Variants in PROM1 observed in about 807,000 individuals in gnomAD.
PROM1 encodes the protein prominin 1.
PROM1 carries 105 observed loss-of-function variants against 116.9 expected under a neutral mutation model. That is an observed-to-expected ratio of 0.90 (90% CI 0.77 to 1.06). The LOEUF (loss-of-function observed/expected upper bound fraction) is 1.06, where lower values mean the gene tolerates loss of function less well. Among genes scored for constraint, PROM1 ranks in the 50% least tolerant of loss-of-function variants. PROM1 has a pLI of 0.00. For synonymous variants in PROM1, 393 were observed against 387.0 expected, an observed-to-expected ratio of 1.02 and a Z score of -0.18; for missense variants, 1,122 against 1,045.2, an observed-to-expected ratio of 1.07 and a Z score of -1.01.
chr4:15,982,698 G>C (rs2149057181), intron 23 of PROM1, among the ~76,000 whole-genome samples: 1 of 152,236 alleles, frequency 6.6e-6, no homozygotes, highest in Non-Finnish European at 1.5e-5. Context: ...GCTGGACATA[G>C]AGAGACGTCA....
chr4:16,021,438 T>C (rs981394381), intron 8 of PROM1, among the ~76,000 whole-genome samples: 1 of 152,206 alleles, frequency 6.6e-6, no homozygotes, highest in Non-Finnish European at 1.5e-5. Context: ...ATTGCGAACA[T>C]AATATATGTG....
intron 2 of PROM1, among the ~76,000 whole-genome samples, chr4:16,048,758 G>A (rs1210705210): frequency 6.6e-6 from 1 of 152,192 alleles, no homozygotes; most frequent in East Asian, 1.9e-4. Flanking sequence ...TGCTGCCCGG[G>A]AAGCTATTCC....
chr4:16,044,713 G>A (rs1736110741), intron 2 of PROM1, among the ~76,000 whole-genome samples: 2 of 152,154 alleles, frequency 1.3e-5, no homozygotes. Context: ...CATCATTTTT[G>A]TAAATTAAAT....
chr4:16,078,467 G>A (rs960157996), intron 1 of PROM1, among the ~76,000 whole-genome samples: 1 of 152,256 alleles, frequency 6.6e-6, no homozygotes, highest in Non-Finnish European at 1.5e-5. Context: ...TACAGGGCAA[G>A]TGCTGGCGTA....
intron 2 of PROM1, among the ~76,000 whole-genome samples, chr4:16,052,723 C>T (rs183361848): frequency 1.3e-5 from 2 of 152,162 alleles, no homozygotes; most frequent in Admixed American, 6.5e-5. Context: ...TCAAGTGATC[C>T]GCCTACTTCA....
intron 26 of PROM1, 116 bp downstream of exon 26, chr4:15,979,279 A>T (rs1245347871): frequency 6.7e-7 from 1 of 1,496,092 alleles, no homozygotes; most frequent in Non-Finnish European, 9.1e-7. Flanking sequence ...GCATTGATAA[A>T]GTATCATACA....
In PROM1 at chr4:16,075,773, T is replaced by C. The variant is rs201559220; in HGVS notation, c.134A>G (p.Asp45Gly). 1.4e-4 allele frequency: 223 copies of C among 1,613,460 alleles called. 1 individual carries two copies. In the African/African-American group the frequency reaches 2.8e-3, roughly 20 times the overall value. ...GCCAATGGGTCCAGCTTTATGGGAG[T>C]CTTGGGTCTCATAATTTGTTGCAGG... ...ELPATNYETQ[D>G]SHKAGPIGIL... The change falls in exon 2 of 28, where the codon GAC becomes GGC. Residue 45 changes from aspartate (D) to glycine (G), a missense_variant. Asp to Gly is a moderately conservative substitution (Grantham distance 94). Coordinates refer to ENST00000447510, the MANE Select transcript of PROM1 (RefSeq NM_006017.3).
intron 3 of PROM1, 25 bp from the exon 4 acceptor site, chr4:16,035,786 A>G: frequency 6.2e-7 from 1 of 1,612,278 alleles, no homozygotes; most frequent in Non-Finnish European, 8.5e-7. Context: ...GCAGGTGAGG[A>G]ATTTTGGCAG....
Position 15,985,848 on chromosome 4 carries a change from G to A in PROM1, c.2212-20C>T. The A allele has an allele frequency of 3.5e-6, 1 of 285,220 alleles. No homozygotes were observed. Among genetic ancestry groups the A allele is most frequent in the Non-Finnish European group, 5.3e-6 (1 of 188,630 alleles). The allele number at this position is 285,220 out of a possible 1,614,324, so 17.7% of individuals were successfully genotyped here. ...AGTTTCCTGGAAAGAAACAAAAGATGAGTAGAAGCATTAAAATGATGACAG... is the reference window on the plus strand; with the variant it reads ...AGTTTCCTGGAAAGAAACAAAAGATAAGTAGAAGCATTAAAATGATGACAG... On this transcript the variant is annotated intron_variant, in intron 21 of 27. Coordinates refer to ENST00000447510, the MANE Select transcript of PROM1 (RefSeq NM_006017.3).
At position 15,994,020 on chromosome 4, in the gene PROM1, G is replaced by A; in HGVS notation, c.1734C>T (p.Ser578=). 2.5e-6 allele frequency: 4 copies of A among 1,613,992 alleles called. No homozygotes were observed. Among genetic ancestry groups the A allele is most frequent in the Non-Finnish European group, 3.4e-6 (4 of 1,179,858 alleles). ...TGTTGAGATGTTCACTGATATTGAAGCTGTTCTGCAGGTGAAGAGTGCCGT... is the reference window on the plus strand; with the variant it reads ...TGTTGAGATGTTCACTGATATTGAAACTGTTCTGCAGGTGAAGAGTGCCGT... ...GTYGTLHLQN[S]FNISEHLNIN... Residue 578 remains serine, a synonymous_variant, in exon 16 of 28, where the codon AGC becomes AGT. Transcript: ENST00000447510.
chr4:16,007,878 G>C (rs771584041), intron 12 of PROM1, among the ~76,000 whole-genome samples: 2 of 152,176 alleles, frequency 1.3e-5, no homozygotes, highest in Non-Finnish European at 2.9e-5. Context: ...CCTGGAGCTC[G>C]TTGTTTGTGG....
Position 15,994,003 on chromosome 4 carries a change from T to C in PROM1, c.1751A>G (p.His584Arg), listed in dbSNP as rs140027620. The C allele has an allele frequency of 1.1e-3, 1,739 of 1,613,982 alleles. 17 individuals are homozygous for C. In the African/African-American group the frequency reaches 0.021, roughly 19 times the overall value. ...HLQNSFNISEHLNINEHTGSI... is the reference protein window; with the variant it reads ...HLQNSFNISERLNINEHTGSI... ...TCTAATTACCTCATTAATGTTGAGA[T>C]GTTCACTGATATTGAAGCTGTTCTG... Residue 584 changes from histidine (H) to arginine (R), a missense_variant, in exon 16 of 28, where the codon CAT (histidine) becomes CGT (arginine). His to Arg is a conservative substitution (Grantham distance 29, BLOSUM62 0). Transcript: ENST00000447510.
intron 8 of PROM1, among the ~76,000 whole-genome samples, chr4:16,019,526 G>A (rs904811287): frequency 1.3e-5 from 2 of 152,106 alleles, no homozygotes; most frequent in Non-Finnish European, 2.9e-5. Flanking sequence ...GTATTTGGAG[G>A]GGCATCTAGT....
chr4:16,075,799 C>T lies in PROM1; in HGVS notation c.108G>A (p.Leu36=), dbSNP rs1201865936. The T allele has an allele frequency of 1.2e-6, 2 of 1,613,656 alleles. No homozygotes were observed. Among genetic ancestry groups the T allele is most frequent in the Non-Finnish European group, 1.7e-6 (2 of 1,179,802 alleles). The change falls in exon 2 of 28, where the codon TTG becomes TTA. Residue 36 remains leucine, a synonymous_variant. Coordinates refer to ENST00000447510, the MANE Select transcript of PROM1 (RefSeq NM_006017.3). ...CTTGGGTCTCATAATTTGTTGCAGG[C>T]AATTCATAATTCCAAGCCTTAGGAG... ...TDAPKAWNYE[L]PATNYETQDS...
In PROM1 at chr4:16,024,292, C is replaced by G; in HGVS notation, c.694+3G>C. The G allele has an allele frequency of 6.2e-7, 1 of 1,611,536 alleles. No homozygotes were observed. The highest frequency in any genetic ancestry group is 8.5e-7 in the Non-Finnish European group (1 of 1,178,004). ...ATGTGAAGCAACTTTAAATTTTACT[C>G]ACTGTTCAGATCTGTGAACGCCTTG... On this transcript the variant is annotated splice_donor_region_variant and intron_variant, in intron 7 of 27. Coordinates refer to ENST00000447510, the MANE Select transcript of PROM1 (RefSeq NM_006017.3).
Position 15,998,492 on chromosome 4 carries a change from G to A in PROM1, c.1579-4C>T. On this transcript the variant is annotated splice_polypyrimidine_tract_variant and splice_region_variant and intron_variant, in intron 14 of 27. Transcript: ENST00000447510. ...GTAAGTAGGGTGTATCCAAAACCTA[G>A]AACACATTAGGAAGTATTTTCGAAA... 1 of 1,594,850 alleles carries A rather than the reference G, an allele frequency of 6.3e-7. No homozygotes were observed. Among genetic ancestry groups the A allele is most frequent in the Non-Finnish European group, 8.5e-7 (1 of 1,173,076 alleles).
intron 5 of PROM1, among the ~76,000 whole-genome samples, chr4:16,031,288 G>C (rs1302244978): frequency 6.6e-6 from 1 of 152,134 alleles, no homozygotes; most frequent in Non-Finnish European, 1.5e-5. Context: ...GGTGTATGGA[G>C]CGGGTAAACA....
At chr4:15,997,472 T>C (rs1722633651) in intron 15 of PROM1, among the ~76,000 whole-genome samples, 1 of 151,672 alleles carries the variant, frequency 6.6e-6, no homozygotes, top group South Asian at 2.1e-4. Context: ...TTGTTTTCTT[T>C]TTTCCTGAGA....
At chr4:16,044,478 C>T (rs1435333272) in intron 2 of PROM1, among the ~76,000 whole-genome samples, 1 of 152,198 alleles carries the variant, frequency 6.6e-6, no homozygotes, top group Non-Finnish European at 1.5e-5. Context: ...TTAAGTGCCT[C>T]TCTGCGGAGA....
Sources: gnomAD v4.1 joint callset for allele counts (sites outside exome capture counted in the v4.1 genomes callset) on GRCh38, gnomAD v4.1.1 for gene constraint, MANE v1.5 for transcripts, NCBI Gene and HGNC (gene_info 2026-07-23, HGNC 2026-07-21) for gene names.